Variants in RNF121 observed in about 807,000 individuals in gnomAD.
RNF121 encodes E3 ubiquitin ligase RNF121.
Under a neutral mutation model 46.5 loss-of-function variants are expected in RNF121, and 21 were observed. The observed-to-expected ratio is 0.45, with a 90% confidence interval of 0.32 to 0.65. The LOEUF (loss-of-function observed/expected upper bound fraction) is 0.65, where lower values mean the gene tolerates loss of function less well. Ranked by LOEUF, RNF121 falls within the 30% of genes least tolerant of loss-of-function variation. RNF121 has a pLI of 0.04. For missense variants in RNF121, 346 were observed against 416.0 expected, an observed-to-expected ratio of 0.83 and a Z score of 1.46; for synonymous variants, 139 against 144.7, an observed-to-expected ratio of 0.96 and a Z score of 0.28.
chr11:71,929,173 A>T lies in RNF121; in HGVS notation c.63+49A>T, dbSNP rs759423940. The T allele has an allele frequency of 9.8e-6, 15 of 1,529,476 alleles. No individual in the cohort carries two copies. The South Asian group carries it at 1.6e-4, about 16-fold the overall frequency. 94.7% of individuals were successfully genotyped at this position (1,529,476 alleles called of 1,614,324 possible). ...AGAGACTCAACCTGAGACTGAGGGG[A>T]GGGGCAGTGAGGTATCGGGAGGTGG... is the stretch of plus-strand genomic sequence containing the variant. On this transcript the variant is annotated intron_variant, in intron 1 of 8. Coordinates refer to ENST00000361756, the MANE Select transcript of RNF121 (RefSeq NM_018320.5).
intron 3 of RNF121, among the ~76,000 whole-genome samples, chr11:71,962,837 C>A (rs1051777280): frequency 1.3e-5 from 2 of 152,184 alleles, no homozygotes; most frequent in African/African-American, 4.8e-5. Context: ...GGTTTTCATT[C>A]CTCCACATTC....
At chr11:71,975,971 A>G (rs141806411) in intron 3 of RNF121, among the ~76,000 whole-genome samples, 111 of 152,286 alleles carry the variant, frequency 7.3e-4, no homozygotes, top group African/African-American at 2.6e-3. Flanking sequence ...TAGGAGGGAA[A>G]CAACTCCAAC....
intron 3 of RNF121, among the ~76,000 whole-genome samples, chr11:71,965,438 A>T (rs1399800525): frequency 1.3e-5 from 2 of 151,676 alleles, no homozygotes; most frequent in African/African-American, 4.8e-5. Flanking sequence ...TTTTATAGAG[A>T]TGGTTTTATG....
intron 1 of RNF121, among the ~76,000 whole-genome samples, chr11:71,956,467 AATATC>A (rs1206224680): frequency 1.3e-5 from 2 of 152,208 alleles, no homozygotes; most frequent in African/African-American, 4.8e-5. Flanking sequence ...ACCACCCTAA[AATATC>A]AGTAGTGCCA....
chr11:71,954,485 T>C (rs1953947435), intron 1 of RNF121, among the ~76,000 whole-genome samples: 1 of 152,206 alleles, frequency 6.6e-6, no homozygotes, highest in East Asian at 1.9e-4. Context: ...CATTCAATTA[T>C]CTCTGGCCTC....
intron 3 of RNF121, among the ~76,000 whole-genome samples, chr11:71,973,395 A>T (rs1026090857): frequency 3.3e-5 from 5 of 151,820 alleles, no homozygotes; most frequent in African/African-American, 1.2e-4. Context: ...GGAGGTTGAG[A>T]TGGGAGGATC....
At chr11:71,967,356 T>G (rs1297458329) in intron 3 of RNF121, among the ~76,000 whole-genome samples, 109 of 136,376 alleles carry the variant, frequency 8.0e-4, no homozygotes, top group Admixed American at 7.2e-3. Flanking sequence ...TTTGTTTTTT[T>G]TTTTTTTTTT....
chr11:71,958,458 GA>G (rs1366004301), intron 2 of RNF121, among the ~76,000 whole-genome samples: 1 of 152,096 alleles, frequency 6.6e-6, no homozygotes, highest in East Asian at 1.9e-4. Flanking sequence ...TAAGAAGATA[GA>G]TTTTTTTTTT....
intron 1 of RNF121, among the ~76,000 whole-genome samples, chr11:71,935,846 CTTTTTTTTTTT>C (rs994241423): frequency 1.2e-4 from 14 of 114,726 alleles, no homozygotes; most frequent in African/African-American, 4.4e-4. Flanking sequence ...TATTCTTTTT[CTTTTTTTTTTT>C]TTTTTTTTTT....
intron 1 of RNF121, among the ~76,000 whole-genome samples, chr11:71,944,389 T>A (rs1387187977): frequency 2.6e-5 from 4 of 152,154 alleles, no homozygotes; most frequent in Non-Finnish European, 5.9e-5. Flanking sequence ...TATAGAAAGA[T>A]CATTCTTGGG....
At chr11:71,952,786 C>T (rs973720570) in intron 1 of RNF121, among the ~76,000 whole-genome samples, 1 of 149,048 alleles carries the variant, frequency 6.7e-6, no homozygotes, top group Admixed American at 6.8e-5. Flanking sequence ...CTAGCTGGGG[C>T]GATAGAGCAA....
At chr11:71,963,703 ATCTAAGTTCATTCTTTTGCATGT>A (rs1954198407) in intron 3 of RNF121, among the ~76,000 whole-genome samples, 1 of 152,244 alleles carries the variant, frequency 6.6e-6, no homozygotes, top group African/African-American at 2.4e-5. Flanking sequence ...TGAGATAAGA[ATCTAAGTTCATTCTTTTGCATGT>A]GGATAGCCAG....
intron 1 of RNF121, 130 bp downstream of exon 1, chr11:71,929,254 G>A: frequency 7.1e-7 from 1 of 1,416,910 alleles, no homozygotes; most frequent in Non-Finnish European, 9.3e-7. Context: ...CTAGGGGGCG[G>A]GTGCGTGGAG....
intron 3 of RNF121, chr11:71,978,162 A>C (rs572267430): frequency 6.0e-5 from 27 of 452,634 alleles, no homozygotes; most frequent in Admixed American, 4.0e-4. Context: ...CAGCCCCCCA[A>C]TGTGCTCGAA....
intron 3 of RNF121, among the ~76,000 whole-genome samples, chr11:71,965,172 C>A (rs897200979): frequency 6.6e-6 from 1 of 151,988 alleles, no homozygotes; most frequent in African/African-American, 2.4e-5. Context: ...GGTTCTGCGG[C>A]ATTTTTCACC....
intron 3 of RNF121, among the ~76,000 whole-genome samples, chr11:71,978,889 A>G (rs1216858923): frequency 6.6e-6 from 1 of 152,220 alleles, no homozygotes; most frequent in East Asian, 1.9e-4. Flanking sequence ...TGGGATTCAT[A>G]TTTAGATAGC....
chr11:71,996,792 G>C lies in RNF121; in HGVS notation c.*477G>C, dbSNP rs566540209. The C allele has an allele frequency of 6.2e-6, 1 of 160,228 alleles. No individual in the cohort carries two copies. Among genetic ancestry groups the C allele is most frequent in the African/African-American group, 2.4e-5 (1 of 41,524 alleles). 9.9% of individuals were successfully genotyped at this position (160,228 alleles called of 1,614,324 possible). A position where few individuals can be genotyped will look rare whatever the true frequency, so the allele number is the denominator to read the frequency against. Reference sequence around the variant, plus strand: ...GCTAACGTACTCAGGCTTGTGCCACGGGTGAGCACTGAGGCCCCAGGTGTC... The same window carrying C: ...GCTAACGTACTCAGGCTTGTGCCACCGGTGAGCACTGAGGCCCCAGGTGTC... On this transcript the variant is annotated 3_prime_UTR_variant, in exon 9 of 9. Transcript: ENST00000361756.
chr11:71,932,657 A>G (rs1468032515), intron 1 of RNF121, among the ~76,000 whole-genome samples: 1 of 152,252 alleles, frequency 6.6e-6, no homozygotes, highest in Non-Finnish European at 1.5e-5. Context: ...AGATAGGCCA[A>G]GAGTCTTGAG....
At chr11:71,977,809 AC>A (rs1954558989) in intron 3 of RNF121, among the ~76,000 whole-genome samples, 1 of 152,056 alleles carries the variant, frequency 6.6e-6, no homozygotes, top group African/African-American at 2.4e-5. Flanking sequence ...TGTACTGGCC[AC>A]CTAATTCATG....
Sources: allele counts gnomAD v4.1 joint callset (sites outside exome capture counted in the v4.1 genomes callset), GRCh38; gene constraint gnomAD v4.1.1; transcripts MANE v1.5; gene names NCBI Gene and HGNC (gene_info 2026-07-23, HGNC 2026-07-21).